TSHR: variants seen among roughly 807,000 people sequenced by gnomAD.
The protein encoded by TSHR is thyroid stimulating hormone receptor.
A neutral mutation model predicts 64.1 loss-of-function variants in TSHR; 51 were observed. The ratio of observed to expected loss-of-function variants is 0.80; its 90% confidence interval spans 0.64 to 1.01. The LOEUF (loss-of-function observed/expected upper bound fraction) is 1.01, where lower values mean the gene tolerates loss of function less well. Ranked by LOEUF, TSHR falls within the 50% of genes least tolerant of loss-of-function variation. The pLI is 0.00. For missense variants in TSHR, 877 were observed against 942.8 expected, an observed-to-expected ratio of 0.93 and a Z score of 0.91; for synonymous variants, 361 against 361.9, an observed-to-expected ratio of 1.00 and a Z score of 0.03.
At chr14:80,979,536 CAAAG>C (rs1234049204) in intron 1 of TSHR, among the ~76,000 whole-genome samples, 1 of 152,104 alleles carries the variant, frequency 6.6e-6, no homozygotes, top group African/African-American at 2.4e-5. Flanking sequence ...GTTCTCACCA[CAAAG>C]AAATGATAAA....
At chr14:81,006,559 C>T (rs1889615216) in intron 1 of TSHR, among the ~76,000 whole-genome samples, 1 of 151,958 alleles carries the variant, frequency 6.6e-6, no homozygotes, top group Admixed American at 6.6e-5. Flanking sequence ...TGTCACCAGG[C>T]GAGAGCGCAG....
chr14:81,050,292 T>C (rs1392406333), intron 1 of TSHR: 1 of 152,194 alleles, frequency 6.6e-6, no homozygotes, highest in Non-Finnish European at 1.5e-5. Context: ...GTTCAGACCT[T>C]CAGGCAAGGT....
At chr14:81,072,460 T>C (rs537058328) in intron 3 of TSHR, among the ~76,000 whole-genome samples, 1 of 152,288 alleles carries the variant, frequency 6.6e-6, no homozygotes, top group East Asian at 1.9e-4. Context: ...ACAGGGCAGC[T>C]ACTAAAATGC....
chr14:80,998,879 C>T (rs760385682), intron 1 of TSHR, among the ~76,000 whole-genome samples: 6 of 152,180 alleles, frequency 3.9e-5, no homozygotes, highest in Non-Finnish European at 5.9e-5. Context: ...TTTATGCCTA[C>T]TACAGATTTT....
intron 1 of TSHR, chr14:80,958,403 C>T (rs1001529181): frequency 6.6e-6 from 1 of 152,236 alleles, no homozygotes; most frequent in African/African-American, 2.4e-5. Flanking sequence ...TAAGCCACCA[C>T]TCTCAGATGA....
intron 8 of TSHR, among the ~76,000 whole-genome samples, chr14:81,127,869 T>C (rs1595157433): frequency 1.3e-5 from 2 of 152,162 alleles, no homozygotes; most frequent in South Asian, 4.1e-4. Context: ...CATTAAACCT[T>C]TTTCTTTATA....
At chr14:81,102,047 C>T (rs570591106) in intron 7 of TSHR, among the ~76,000 whole-genome samples, 1 of 152,064 alleles carries the variant, frequency 6.6e-6, no homozygotes, top group South Asian at 2.1e-4. Context: ...TGGCGGGCGC[C>T]TGTAGTCCCA....
chr14:81,041,423 A>G (rs1884917472), intron 1 of TSHR, among the ~76,000 whole-genome samples: 1 of 152,208 alleles, frequency 6.6e-6, no homozygotes, highest in Non-Finnish European at 1.5e-5. Context: ...CAGGTACAGA[A>G]AACCAAATAC....
intron 4 of TSHR, among the ~76,000 whole-genome samples, chr14:81,090,478 T>C (rs1453034132): frequency 2.0e-5 from 3 of 152,232 alleles, no homozygotes; most frequent in Non-Finnish European, 4.4e-5. Flanking sequence ...TGGACTCAAG[T>C]GATCCACCTG....
At chr14:80,976,890 T>C in intron 1 of TSHR, among the ~76,000 whole-genome samples, 1 of 152,198 alleles carries the variant, frequency 6.6e-6, no homozygotes, top group Non-Finnish European at 1.5e-5. Flanking sequence ...AATATATTCT[T>C]CCTAATTGGG....
Position 80,972,295 on chromosome 14 carries a change from T to G in TSHR, c.170+16445T>G, listed in dbSNP as rs182960978. ...AAAAACCTATCATTGTTCTGTGGGG[T>G]TTTTTTTGCTCAGTTATGTGTTTGT... On this transcript the variant is annotated intron_variant, in intron 1 of 9. Transcript: ENST00000298171. Among the ~76,000 whole-genome samples, 1,162 of 151,918 alleles carry G rather than the reference T, an allele frequency of 7.6e-3. 11 individuals are homozygous for G. Among genetic ancestry groups the G allele is most frequent in the Non-Finnish European group, 9.8e-3 (669 of 67,928 alleles).
intron 1 of TSHR, chr14:80,983,395 T>C: frequency 8.7e-7 from 1 of 1,146,322 alleles, no homozygotes; most frequent in Admixed American, 2.3e-5. Flanking sequence ...GTTTTGAAAG[T>C]AATTTTAAAT....
rs756263606 is a variant in TSHR at position 81,143,324 on chromosome 14, G to T, written c.1266G>T (p.Trp422Cys). 1 of 1,614,170 alleles carries T rather than the reference G, an allele frequency of 6.2e-7. No homozygotes were observed. Among genetic ancestry groups the T allele is most frequent in the African/African-American group, 1.3e-5 (1 of 75,040 alleles). Residue 422 changes from tryptophan (W) to cysteine (C), a missense_variant, in exon 10 of 10, where the codon TGG becomes TGT. Physicochemically the swap from Trp to Cys is radical, Grantham distance 215. Coordinates refer to ENST00000298171, the MANE Select transcript of TSHR (RefSeq NM_000369.5). ...MGYKFLRIVV[W>C]FVSLLALLGN... ...ACAAGTTCCTGAGAATTGTGGTGTG[G>T]TTCGTTAGTCTGCTGGCTCTCCTGG...
chr14:80,965,254 C>A (rs1887243127), intron 1 of TSHR, among the ~76,000 whole-genome samples: 1 of 152,160 alleles, frequency 6.6e-6, no homozygotes, highest in South Asian at 2.1e-4. Flanking sequence ...GTGGAGGACG[C>A]ACTTTTGTCA....
chr14:81,026,051 G>A (rs1435153000), intron 1 of TSHR, among the ~76,000 whole-genome samples: 1 of 152,122 alleles, frequency 6.6e-6, no homozygotes, highest in African/African-American at 2.4e-5. Flanking sequence ...TCCAATGCAG[G>A]GGATGTGATG....
At position 81,092,511 on chromosome 14, in the gene TSHR, T is replaced by TTTGTCCCTCTCTCTTGCAGTGAAATTAC. The variant is rs1888823796; in HGVS notation, c.468-19_476dup. The TTTGTCCCTCTCTCTTGCAGTGAAATTAC allele has an allele frequency of 6.2e-7, 1 of 1,613,170 alleles. No individual in the cohort carries two copies. The highest frequency in any genetic ancestry group is 1.3e-5 in the African/African-American group (1 of 74,910). On this transcript the variant is annotated intron_variant, in intron 5 of 9. Transcript: ENST00000298171. ...GGAAAGCATTTTTTCATTAAGTGTT[T>TTTGTCCCTCTCTCTTGCAGTGAAATTAC]TTGTCCCTCTCTCTTGCAGTGAAAT...
In TSHR at chr14:81,144,408, G is replaced by C; in HGVS notation, c.*55G>C. Reference sequence around the variant, plus strand: ...GGAACTTACAAAATAATAGTTTCTTGAATATGCATTCCAATCCCATGACAC... The same window carrying C: ...GGAACTTACAAAATAATAGTTTCTTCAATATGCATTCCAATCCCATGACAC... On this transcript the variant is annotated 3_prime_UTR_variant, in exon 10 of 10. Coordinates refer to ENST00000298171, the MANE Select transcript of TSHR (RefSeq NM_000369.5). 1 of 1,570,982 alleles carries C rather than the reference G, an allele frequency of 6.4e-7. No homozygotes were observed. Among genetic ancestry groups the C allele is most frequent in the Non-Finnish European group, 8.7e-7 (1 of 1,144,806 alleles).
At position 81,072,773 on chromosome 14, in the gene TSHR, G is replaced by A. The variant is rs548322941; in HGVS notation, c.317+4445G>A. On this transcript the variant is annotated intron_variant, in intron 3 of 9. Transcript: ENST00000298171. ...AAAGCTTTGGGAGGCCGAGGCGGGC[G>A]GATCACGAGGTCAGGAGATCGAGAC... Among the ~76,000 whole-genome samples the A allele has an allele frequency of 3.4e-3, 468 of 137,894 alleles. 38 individuals carry two copies. Among genetic ancestry groups the A allele is most frequent in the African/African-American group, 0.014 (427 of 29,716 alleles). 90.5% of individuals were successfully genotyped at this position (137,894 alleles called of 152,430 possible).
In TSHR at chr14:81,054,137, C is replaced by T. The variant is rs1885604316; in HGVS notation, c.171-8011C>T. The stretch of plus-strand genomic sequence containing the variant: ...ATTGAGTCATGAGAGCAGGTCTTTC[C>T]TGTGCTGTCTTCATGATAGTGAATA... On this transcript the variant is annotated intron_variant, in intron 1 of 9. Transcript: ENST00000298171. 3.3e-5 allele frequency among the ~76,000 whole-genome samples: 5 copies of T among 152,132 alleles called. No homozygotes were observed. In the South Asian group the frequency reaches 1.0e-3, roughly 32 times the overall value.
Sources: gnomAD v4.1 joint callset for allele counts (sites outside exome capture counted in the v4.1 genomes callset) on GRCh38, gnomAD v4.1.1 for gene constraint, MANE v1.5 for transcripts, NCBI Gene and HGNC (gene_info 2026-07-23, HGNC 2026-07-21) for gene names.